The following MOV10L1 variants were observed in gnomAD, a reference collection of about 807,000 sequenced individuals.
MOV10L1 encodes the protein Mov10 like RNA helicase 1, also known as RNA helicase Mov10l1.
A neutral mutation model predicts 143.8 loss-of-function variants in MOV10L1; 110 were observed. That is an observed-to-expected ratio of 0.76 (90% CI 0.66 to 0.90). The LOEUF (loss-of-function observed/expected upper bound fraction) is 0.90, where lower values mean the gene tolerates loss of function less well. Among genes scored for constraint, MOV10L1 ranks in the 40% least tolerant of loss-of-function variants. The pLI, the probability that MOV10L1 is intolerant of heterozygous loss-of-function variation, is 0.00. For missense variants in MOV10L1, 1,406 were observed against 1,526.8 expected, an observed-to-expected ratio of 0.92 and a Z score of 1.32; for synonymous variants, 593 against 581.1, an observed-to-expected ratio of 1.02 and a Z score of -0.29.
chr22:50,147,073 C>T (rs1053312711), intron 19 of MOV10L1: 3 of 1,557,746 alleles, frequency 1.9e-6, no homozygotes, highest in East Asian at 2.4e-5. Context: ...AAGAGCCAGT[C>T]CTCACTGGGG....
rs2062676445 is a variant in MOV10L1, at chr22:50,099,314, A to G, written c.283-129A>G. 6.4e-6 allele frequency: 7 copies of G among 1,094,838 alleles called. No homozygotes were observed. The South Asian group carries it at 9.5e-5, about 15-fold the overall frequency. 67.8% of individuals were successfully genotyped at this position (1,094,838 alleles called of 1,614,324 possible). A position where few individuals can be genotyped will look rare whatever the true frequency, so the allele number is the denominator to read the frequency against. On this transcript the variant is annotated intron_variant, in intron 2 of 26. Coordinates refer to ENST00000262794, the MANE Select transcript of MOV10L1 (RefSeq NM_018995.3). The stretch of plus-strand genomic sequence containing the variant: ...ATACCAGGAAGAAGGCCCTCACCAG[A>G]CCCGGAATCTGCCAGGGCCTTGATC...
At chr22:50,106,043 C>T (rs2061857036) in intron 3 of MOV10L1, among the ~76,000 whole-genome samples, 2 of 152,190 alleles carry the variant, frequency 1.3e-5, no homozygotes, top group Admixed American at 1.3e-4. Flanking sequence ...ACTGTAGAAA[C>T]ATATATTTTT....
intron 11 of MOV10L1, 61 bp from the exon 12 acceptor site, chr22:50,126,141 A>C: frequency 8.2e-7 from 1 of 1,219,124 alleles, no homozygotes; most frequent in Non-Finnish European, 1.2e-6. Flanking sequence ...ATTTTATAGG[A>C]CAGCACAGAA....
rs528883080 is a variant in MOV10L1 at position 50,098,931 on chromosome 22, A to AT, written c.283-506dup. Among the ~76,000 whole-genome samples, 98 of 152,146 alleles carry AT rather than the reference A, an allele frequency of 6.4e-4. No individual in the cohort carries two copies. In the East Asian group the frequency reaches 0.016, roughly 25 times the overall value. ...TTGTGCATCAGTTGAGATCATCGTG[A>AT]TTTTTTCCCTCATCTTATCAATGTA... On this transcript the variant is annotated intron_variant, in intron 2 of 26. Transcript: ENST00000262794.
intron 3 of MOV10L1, among the ~76,000 whole-genome samples, chr22:50,104,654 TAAAA>T (rs1005906623): frequency 6.6e-6 from 1 of 152,108 alleles, no homozygotes; most frequent in Non-Finnish European, 1.5e-5. Context: ...CAGAAACTAT[TAAAA>T]AAAGGTGAGT....
intron 12 of MOV10L1, among the ~76,000 whole-genome samples, chr22:50,127,847 A>C (rs1011579653): frequency 2.7e-4 from 41 of 151,282 alleles, no homozygotes; most frequent in African/African-American, 1.0e-3. Flanking sequence ...ATCTTGGCTC[A>C]CTGCAACCTC....
Position 50,159,730 on chromosome 22 carries a change from T to C in MOV10L1, c.3269T>C (p.Val1090Ala), listed in dbSNP as rs1222388532. 6.2e-7 allele frequency: 1 copy of C among 1,613,426 alleles called. No individual in the cohort carries two copies. The highest frequency in any genetic ancestry group is 2.2e-5 in the East Asian group (1 of 44,878). The change falls in exon 24 of 27, where the codon GTT (valine) becomes GCT (alanine). Residue 1090 changes from valine (V) to alanine (A), a missense_variant. By Grantham distance (64) the Val-to-Ala change is moderately conservative. Transcript: ENST00000262794. This position sits in a 1 kb window ranked among gnomAD's most constrained non-coding sequence, Gnocchi z 4.1. ...LRNVDLMDIKVGSVEEFQGQE... is the reference protein window; with the variant it reads ...LRNVDLMDIKAGSVEEFQGQE... Reference sequence around the variant, plus strand: ...AATGTTGATCTGATGGATATAAAGGTTGGATCAGTAGAGGAGTTTCAAGGA... The same window carrying C: ...AATGTTGATCTGATGGATATAAAGGCTGGATCAGTAGAGGAGTTTCAAGGA...
At chr22:50,154,558 A>T (rs1024854418) in intron 22 of MOV10L1, among the ~76,000 whole-genome samples, 33 of 152,076 alleles carry the variant, frequency 2.2e-4, no homozygotes, top group African/African-American at 8.0e-4. Flanking sequence ...ACAGAGTGAG[A>T]CCCTGACTCT....
chr22:50,161,409 C>T lies in MOV10L1; in HGVS notation c.3596C>T (p.Pro1199Leu). Residue 1199 changes from proline (P) to leucine (L), a missense_variant, in exon 27 of 27, where the codon CCA becomes CTA. Coordinates refer to ENST00000262794, the MANE Select transcript of MOV10L1 (RefSeq NM_018995.3). ...GVADPSYPVV[P>L]ESTGPEKHQE... ...GCAGACCCCTCCTACCCAGTGGTGC[C>T]AGAATCCACAGGACCAGAGAAGCAT... 6.2e-7 allele frequency: 1 copy of T among 1,601,312 alleles called. No homozygotes were observed. Among genetic ancestry groups the T allele is most frequent in the Non-Finnish European group, 8.5e-7 (1 of 1,174,142 alleles).
intron 24 of MOV10L1, among the ~76,000 whole-genome samples, chr22:50,160,475 G>C (rs1434322039): frequency 6.6e-6 from 1 of 151,262 alleles, no homozygotes; most frequent in Non-Finnish European, 1.5e-5. Context: ...AGATGGTCTC[G>C]ATCTCCTGAC....
intron 5 of MOV10L1, among the ~76,000 whole-genome samples, chr22:50,109,841 T>TAAA (rs200470549): frequency 6.7e-6 from 1 of 150,172 alleles, no homozygotes; most frequent in Non-Finnish European, 1.5e-5. Context: ...GGCTCTGTCT[T>TAAA]AAAAAATAAA....
chr22:50,137,621 C>T (rs1195329314), intron 15 of MOV10L1, among the ~76,000 whole-genome samples: 6 of 151,680 alleles, frequency 4.0e-5, no homozygotes, highest in African/African-American at 1.5e-4. Flanking sequence ...AGGAGAATCG[C>T]TTGAAACCAG....
intron 13 of MOV10L1, among the ~76,000 whole-genome samples, chr22:50,131,225 GT>G (rs2062670653): frequency 6.6e-6 from 1 of 152,084 alleles, no homozygotes; most frequent in Non-Finnish European, 1.5e-5. Flanking sequence ...ATCTTTTTAT[GT>G]GCTTTTTTGC....
At position 50,144,112 on chromosome 22, in the gene MOV10L1, C is replaced by A; in HGVS notation, c.2374C>A (p.Pro792Thr). Residue 792 changes from proline to threonine, a missense_variant, in exon 18 of 27, where the codon CCG (proline) becomes ACG (threonine). Coordinates refer to ENST00000262794, the MANE Select transcript of MOV10L1 (RefSeq NM_018995.3). ...TTTGATGAAGGTACACTTTGCCTTGCCGGACAGTCGGATTTTAGTCTGTGC... is the reference window on the plus strand; with the variant it reads ...TTTGATGAAGGTACACTTTGCCTTGACGGACAGTCGGATTTTAGTCTGTGC... ...EAVLQVHFALPDSRILVCAPS... is the reference protein window; with the variant it reads ...EAVLQVHFALTDSRILVCAPS... 1 of 1,609,804 alleles carries A rather than the reference C, an allele frequency of 6.2e-7. No individual in the cohort carries two copies. The highest frequency in any genetic ancestry group is 8.5e-7 in the Non-Finnish European group (1 of 1,176,344).
intron 22 of MOV10L1, among the ~76,000 whole-genome samples, chr22:50,157,193 C>T (rs10427578): frequency 0.12 from 19,022 of 152,182 alleles, 1,401 homozygotes; most frequent in East Asian, 0.33. Flanking sequence ...TTAATTGGGT[C>T]GCTTTTTGTC....
intron 19 of MOV10L1, 97 bp downstream of exon 19, chr22:50,145,907 CAG>C (rs1424984324): frequency 6.5e-7 from 1 of 1,537,930 alleles, no homozygotes; most frequent in Non-Finnish European, 8.8e-7. Context: ...CCCAGAGACT[CAG>C]TGCTCAGGGA....
intron 15 of MOV10L1, 82 bp downstream of exon 15, chr22:50,134,712 G>A (rs878978807): frequency 1.4e-5 from 17 of 1,205,778 alleles, no homozygotes; most frequent in Non-Finnish European, 2.1e-5. Context: ...TGGCTCAGCG[G>A]CGTGACTGTC....
chr22:50,129,298 A>T (rs1171654819), intron 13 of MOV10L1, among the ~76,000 whole-genome samples: 1 of 152,100 alleles, frequency 6.6e-6, no homozygotes, highest in African/African-American at 2.4e-5. Context: ...GTGACCTGGC[A>T]CCCAGCTGGC....
At chr22:50,104,706 A>G (rs2061826304) in intron 3 of MOV10L1, among the ~76,000 whole-genome samples, 1 of 152,178 alleles carries the variant, frequency 6.6e-6, no homozygotes, top group African/African-American at 2.4e-5. Context: ...TGGACATTAT[A>G]TTCTTGGTAC....
Sources: gnomAD v4.1 joint callset for allele counts (sites outside exome capture counted in the v4.1 genomes callset) on GRCh38, gnomAD v4.1.1 for gene constraint, Gnocchi (gnomAD v3.1) non-coding constraint, MANE v1.5 for transcripts, NCBI Gene and HGNC (gene_info 2026-07-23, HGNC 2026-07-21) for gene names.